The following FATE1 variants were observed in gnomAD, a reference collection of about 807,000 sequenced individuals.
The protein encoded by FATE1 is fetal and adult testis expressed 1, also known as fetal and adult testis-expressed transcript protein.
Under a neutral mutation model 16.0 loss-of-function variants are expected in FATE1, and 18 were observed. The ratio of observed to expected loss-of-function variants is 1.12; its 90% CI spans 0.78 to 1.66. The LOEUF is 1.66. Among genes scored for constraint, FATE1 ranks in the 40% most tolerant of loss-of-function variants. The probability of loss-of-function intolerance (pLI) is 0.00; values close to 1 mark genes in which losing one functional copy is unlikely to be tolerated. For missense variants in FATE1, 169 were observed against 152.7 expected (o/e 1.11, Z -0.56); for synonymous variants, 76 against 56.9 (o/e 1.34, Z -1.51).
rs1263487559 is a variant in FATE1, at chrX:151,717,273, A to C, written c.108A>C (p.Glu36Asp). ...GENQEHLVIA[E>D]MMELGSRSRG... ...TGGAGCTTCTGTTCTTCTCTCTAGA[A>C]ATGATGGAGCTTGGATCTCGGTCCC... is the stretch of plus-strand genomic sequence containing the variant. Residue 36 changes from glutamate to aspartate, a missense_variant and splice_region_variant, in exon 2 of 5, where the codon GAA (glutamate) becomes GAC (aspartate). Coordinates refer to ENST00000370350, the MANE Select transcript of FATE1 (RefSeq NM_033085.3). 2 of 1,202,901 alleles carry C rather than the reference A, an allele frequency of 1.7e-6. No homozygotes were observed. The highest frequency in any genetic ancestry group is 2.2e-6 in the Non-Finnish European group (2 of 890,753).
rs1222737879 is a variant in FATE1 at position 151,721,344 on chromosome X, C to T, written c.235-51C>T. The T allele has an allele frequency of 5.5e-6, 6 of 1,095,721 alleles. No homozygotes were observed. In the South Asian group the frequency reaches 1.1e-4, roughly 20 times the overall value. The allele number at this position is 1,095,721 out of a possible 1,213,427, so 90.3% of individuals were successfully genotyped here. ...ATTGGCTCTGGGCAAACTGGAGAAG[C>T]CACTCATGTGGGGTTGGGCAGGCTA... On this transcript the variant is annotated intron_variant, in intron 2 of 4. Transcript: ENST00000370350.
At chrX:151,719,192 ACTAATT>A (rs1394777758) in intron 2 of FATE1, among the ~76,000 whole-genome samples, 4 of 112,021 alleles carry the variant, frequency 3.6e-5, no homozygotes, top group Admixed American at 2.8e-4. Flanking sequence ...AATCTAATTT[ACTAATT>A]CTATTTATTT....
At chrX:151,719,487 T>C (rs2124356381) in intron 2 of FATE1, among the ~76,000 whole-genome samples, 1 of 112,453 alleles carries the variant, frequency 8.9e-6, no homozygotes, top group South Asian at 3.7e-4. Flanking sequence ...TGCCTTCAAA[T>C]CTCTCAAAAT....
rs2015128743 is a variant in FATE1, at chrX:151,722,687, C to G, written c.480C>G (p.His160Gln). 8.3e-7 allele frequency: 1 copy of G among 1,212,088 alleles called. No individual in the cohort carries two copies. The highest frequency in any genetic ancestry group is 1.8e-5 in the South Asian group (1 of 56,992). Reference protein sequence around the residue: ...ALEEQGATWRHRETLIIAVLV... With the variant: ...ALEEQGATWRQRETLIIAVLV... ...AGGAACAGGGCGCCACCTGGCGCCA[C>G]AGGGAGACCCTGATCATCGCCGTGC... The change falls in exon 5 of 5, where the codon CAC (histidine) becomes CAG (glutamine). Residue 160 changes from histidine (H) to glutamine (Q), a missense_variant. Physicochemically the swap from His to Gln is conservative, Grantham distance 24 (BLOSUM62 0). Coordinates refer to ENST00000370350, the MANE Select transcript of FATE1 (RefSeq NM_033085.3).
intron 1 of FATE1, among the ~76,000 whole-genome samples, chrX:151,716,776 G>A (rs1406689059): frequency 9.0e-6 from 1 of 111,251 alleles, no homozygotes; most frequent in Non-Finnish European, 1.9e-5. Context: ...TCCTCTGCCT[G>A]GAATGCTCTT....
rs1408239477 is a variant in FATE1 at position 151,723,083 on chromosome X, T to A, written c.*324T>A. 1 of 225,555 alleles carries A rather than the reference T, an allele frequency of 4.4e-6. No individual in the cohort carries two copies. Among genetic ancestry groups the A allele is most frequent in the Non-Finnish European group, 7.9e-6 (1 of 125,926 alleles). 18.6% of individuals were successfully genotyped at this position (225,555 alleles called of 1,213,427 possible). On this transcript the variant is annotated 3_prime_UTR_variant, in exon 5 of 5. Coordinates refer to ENST00000370350, the MANE Select transcript of FATE1 (RefSeq NM_033085.3). ...TGACCTCAGCGGCCCTTCTGTTCCATCCTCTGTGGGCAGGGGTGTGGCTTT... is the reference window on the plus strand; with the variant it reads ...TGACCTCAGCGGCCCTTCTGTTCCAACCTCTGTGGGCAGGGGTGTGGCTTT...
At chrX:151,717,706 T>C (rs1040889042) in intron 2 of FATE1, among the ~76,000 whole-genome samples, 4 of 108,017 alleles carry the variant, frequency 3.7e-5, no homozygotes. Flanking sequence ...TTTAAAATTA[T>C]GTGTGTGGTA....
chrX:151,721,900 C>T lies in FATE1; in HGVS notation c.342-3C>T. ...TTGACCATCTGTCTTTTTTCTCTCC[C>T]AGCAACCCAGGGACAGATGCAGTGG... On this transcript the variant is annotated splice_polypyrimidine_tract_variant and splice_region_variant and intron_variant, in intron 3 of 4. Coordinates refer to ENST00000370350, the MANE Select transcript of FATE1 (RefSeq NM_033085.3). 3 of 1,210,022 alleles carry T rather than the reference C, an allele frequency of 2.5e-6. No homozygotes were observed. Among genetic ancestry groups the T allele is most frequent in the Admixed American group, 4.4e-5 (2 of 45,843 alleles).
intron 3 of FATE1, among the ~76,000 whole-genome samples, 186 bp downstream of exon 3, chrX:151,721,687 G>A (rs940893884): frequency 8.9e-6 from 1 of 112,063 alleles, no homozygotes; most frequent in Non-Finnish European, 1.9e-5. Flanking sequence ...TAGCCGAGTT[G>A]GGCTGGACTG....
intron 3 of FATE1, 25 bp downstream of exon 3, chrX:151,721,526 C>T (rs2015116060): frequency 2.0e-5 from 24 of 1,175,108 alleles, no homozygotes; most frequent in Non-Finnish European, 2.7e-5. Flanking sequence ...TCTGTGGGCC[C>T]TGGCTGCTCA....
chrX:151,719,322 A>G (rs1319103619), intron 2 of FATE1, among the ~76,000 whole-genome samples: 1 of 112,249 alleles, frequency 8.9e-6, no homozygotes, highest in Non-Finnish European at 1.9e-5. Flanking sequence ...CTGACTTGGA[A>G]AAAAGCAGTG....
intron 2 of FATE1, 142 bp from the exon 3 acceptor site, chrX:151,721,253 C>T (rs754944649): frequency 3.0e-5 from 15 of 507,010 alleles, no homozygotes; most frequent in East Asian, 2.9e-4. Context: ...GCTTTCCTAG[C>T]GGCCTGAAGC....
chrX:151,720,982 G>A (rs1350181784), intron 2 of FATE1, among the ~76,000 whole-genome samples: 2 of 112,559 alleles, frequency 1.8e-5, no homozygotes, highest in Admixed American at 1.9e-4. Context: ...TCTAGCCTTA[G>A]CCCTGACATT....
chrX:151,722,330 A>G (rs914691772), intron 4 of FATE1, among the ~76,000 whole-genome samples: 1 of 112,394 alleles, frequency 8.9e-6, no homozygotes, highest in South Asian at 3.7e-4. Context: ...AGACCTTCTT[A>G]GGAGGAGATC....
At chrX:151,716,295 G>A in intron 1 of FATE1, 70 bp downstream of exon 1, 1 of 925,918 alleles carries the variant, frequency 1.1e-6, no homozygotes, top group Non-Finnish European at 1.5e-6. Flanking sequence ...CTGTGCATGT[G>A]TGTGTTGGAA....
intron 2 of FATE1, among the ~76,000 whole-genome samples, chrX:151,720,313 A>G (rs945773451): frequency 1.6e-4 from 18 of 111,800 alleles, no homozygotes; most frequent in African/African-American, 5.9e-4. Context: ...TAGTTCCTCC[A>G]TGGACACTTC....
intron 4 of FATE1, among the ~76,000 whole-genome samples, 182 bp downstream of exon 4, chrX:151,722,163 G>A (rs189270221): frequency 1.8e-5 from 2 of 111,018 alleles, no homozygotes; most frequent in African/African-American, 6.6e-5. Flanking sequence ...TAGATGTCCA[G>A]CCTCAAACTC....
chrX:151,718,237 A>AAGAAAGAAAGAAAGAAAGAAAGAAAGAG (rs1556270278), intron 2 of FATE1, among the ~76,000 whole-genome samples: 1 of 110,579 alleles, frequency 9.0e-6, no homozygotes, highest in Admixed American at 9.5e-5. Context: ...GAAAGAAAGA[A>AAGAAAGAAAGAAAGAAAGAAAGAAAGAG]AGAGAGAAAG....
chrX:151,721,036 A>G (rs774663733), intron 2 of FATE1, among the ~76,000 whole-genome samples: 10 of 112,861 alleles, frequency 8.9e-5, no homozygotes, highest in Admixed American at 1.9e-4. Context: ...CCAGGCCTCC[A>G]TGGCCTGGGC....
Sources: allele counts gnomAD v4.1 joint callset (sites outside exome capture counted in the v4.1 genomes callset), GRCh38; gene constraint gnomAD v4.1.1; transcripts MANE v1.5; gene names NCBI Gene and HGNC (gene_info 2026-07-23, HGNC 2026-07-21).